The following GLIS3 variants were observed in gnomAD, a reference collection of about 807,000 sequenced individuals.
GLIS3 encodes the protein GLIS family zinc finger 3.
A neutral mutation model predicts 78.6 loss-of-function variants in GLIS3; 53 were observed. The ratio of observed to expected loss-of-function variants is 0.67; its 90% CI spans 0.54 to 0.85. The LOEUF is 0.85. GLIS3 is among the 40% of genes least tolerant of loss of function. The pLI is 0.00. For synonymous variants in GLIS3, 684 were observed against 509.9 expected, an observed-to-expected ratio of 1.34 and a Z score of -4.60; for missense variants, 1,703 against 1,231.1, an observed-to-expected ratio of 1.38 and a Z score of -5.74.
the GLIS3 span, among the ~76,000 whole-genome samples, chr9:4,364,749 T>C: frequency 3.9e-5 from 5 of 129,760 alleles, no homozygotes; most frequent in Non-Finnish European, 8.1e-5. Context: ...GCTGTCATCA[T>C]GTATTGCTTT....
At chr9:4,357,403 C>T in the GLIS3 span, among the ~76,000 whole-genome samples, 1 of 152,176 alleles carries the variant, frequency 6.6e-6, no homozygotes, top group African/African-American at 2.4e-5. Flanking sequence ...GGAAATCAGT[C>T]TTCTCTTGCC....
chr9:3,964,634 G>A (rs1326457267), intron 4 of GLIS3, among the ~76,000 whole-genome samples: 1 of 152,162 alleles, frequency 6.6e-6, no homozygotes, highest in Non-Finnish European at 1.5e-5. Flanking sequence ...AAATTTGCCT[G>A]TGTCTAGAAC....
the GLIS3 span, among the ~76,000 whole-genome samples, chr9:4,441,528 T>G: frequency 3.9e-5 from 6 of 152,236 alleles, no homozygotes; most frequent in Non-Finnish European, 5.9e-5. Flanking sequence ...CTCAAAGTGT[T>G]GTTAAATTTG....
At chr9:4,484,010 T>C in the GLIS3 span, among the ~76,000 whole-genome samples, 2 of 152,232 alleles carry the variant, frequency 1.3e-5, no homozygotes, top group Middle Eastern at 3.2e-3. Context: ...GCCTGGTATA[T>C]AAGTGCTTTG....
At chr9:3,880,973 T>A (rs10973997) in intron 7 of GLIS3, among the ~76,000 whole-genome samples, 21,632 of 152,162 alleles carry the variant, frequency 0.14, 1,849 homozygotes, top group Non-Finnish European at 0.19. Context: ...GCTTACCAGT[T>A]CAGAAAGGCA....
intron 4 of GLIS3, among the ~76,000 whole-genome samples, chr9:4,070,497 C>A (rs1163846393): frequency 6.6e-6 from 1 of 151,018 alleles, no homozygotes; most frequent in Non-Finnish European, 1.5e-5. Flanking sequence ...TGTGCATGTG[C>A]GTAAGTATTT....
At chr9:4,411,888 TA>T in the GLIS3 span, among the ~76,000 whole-genome samples, 3 of 152,248 alleles carry the variant, frequency 2.0e-5, no homozygotes, top group African/African-American at 7.2e-5. Flanking sequence ...CACTTTTGGT[TA>T]AAAATACCAT....
chr9:4,178,036 A>T (rs1232319094), intron 2 of GLIS3, among the ~76,000 whole-genome samples: 1 of 152,240 alleles, frequency 6.6e-6, no homozygotes, highest in Non-Finnish European at 1.5e-5. Context: ...TAATTTATGG[A>T]GTGAAGCTAG....
At chr9:4,193,545 G>T (rs1175230341) in intron 2 of GLIS3, among the ~76,000 whole-genome samples, 1 of 152,176 alleles carries the variant, frequency 6.6e-6, no homozygotes, top group East Asian at 1.9e-4. Flanking sequence ...ATGACACACG[G>T]CTTAACTAGG....
At chr9:4,091,140 A>G (rs1296097342) in intron 4 of GLIS3, among the ~76,000 whole-genome samples, 1 of 152,160 alleles carries the variant, frequency 6.6e-6, no homozygotes, top group Non-Finnish European at 1.5e-5. Context: ...AGATGGCTTG[A>G]GTCCAGGAGG....
Position 4,321,239 on chromosome 9 carries a change from T to G in GLIS3, n.265-10711A>C, listed in dbSNP as rs113306529. 4.3e-3 allele frequency among the ~76,000 whole-genome samples: 592 copies of G among 138,806 alleles called. 6 individuals are homozygous for G. The highest frequency in any genetic ancestry group is 0.016 in the African/African-American group (555 of 33,692). The allele number at this position is 138,806 out of a possible 152,430, so 91.1% of individuals were successfully genotyped here. ...ATCGAGACCATCCTGGCTAACACGG[T>G]GAAACCCCGTCTCTACTAAAAATAC... On this transcript the variant is annotated intron_variant and non_coding_transcript_variant, in intron 2 of 4. Transcript: ENST00000471664.
chr9:4,196,790 A>C (rs143273881), intron 2 of GLIS3, among the ~76,000 whole-genome samples: 52 of 152,276 alleles, frequency 3.4e-4, no homozygotes, highest in Non-Finnish European at 6.8e-4. Flanking sequence ...GAACCCCCCA[A>C]TTTCGGACAC....
intron 4 of GLIS3, among the ~76,000 whole-genome samples, chr9:4,022,991 T>C (rs1374627426): frequency 1.3e-5 from 2 of 152,176 alleles, no homozygotes; most frequent in Non-Finnish European, 2.9e-5. Context: ...GTCTTGTTTA[T>C]GGTGGTGATT....
Position 3,986,725 on chromosome 9 carries a change from C to T in GLIS3, c.1711-49536G>A, listed in dbSNP as rs374188989. ...TACCAGCAGGGACCAGTGGAAGCCC[C>T]AGCAGCATCCAATAAACTGAGCCAA... is the stretch of plus-strand genomic sequence containing the variant. On this transcript the variant is annotated intron_variant, in intron 4 of 10. Coordinates refer to ENST00000381971, the MANE Select transcript of GLIS3 (RefSeq NM_001042413.2). 2.8e-4 allele frequency among the ~76,000 whole-genome samples: 43 copies of T among 152,338 alleles called. No individual in the cohort carries two copies. The East Asian group carries it at 6.6e-3, about 23-fold the overall frequency.
intron 2 of GLIS3, among the ~76,000 whole-genome samples, chr9:4,262,160 T>C (rs1825591985): frequency 6.6e-6 from 1 of 151,932 alleles, no homozygotes; most frequent in Admixed American, 6.6e-5. Flanking sequence ...CATAGTGCAG[T>C]GCAAGGGGGA....
the GLIS3 span, among the ~76,000 whole-genome samples, chr9:4,390,349 A>G: frequency 6.6e-6 from 1 of 152,134 alleles, no homozygotes; most frequent in Non-Finnish European, 1.5e-5. Flanking sequence ...TTGTTTTTAT[A>G]TATTACGTAC....
intron 4 of GLIS3, among the ~76,000 whole-genome samples, chr9:4,096,333 C>G (rs1286221404): frequency 6.6e-6 from 1 of 152,192 alleles, no homozygotes; most frequent in Admixed American, 6.5e-5. Flanking sequence ...CAGTGAATCA[C>G]TCCTACATAG....
At chr9:4,473,361 G>A in the GLIS3 span, among the ~76,000 whole-genome samples, 67 of 151,782 alleles carry the variant, frequency 4.4e-4, no homozygotes, top group African/African-American at 1.5e-3. Flanking sequence ...CAGGAGAATC[G>A]TTTGAACCTG....
At chr9:4,216,758 C>G (rs1453768057) in intron 2 of GLIS3, among the ~76,000 whole-genome samples, 1 of 152,186 alleles carries the variant, frequency 6.6e-6, no homozygotes, top group African/African-American at 2.4e-5. Flanking sequence ...TACTAGTAAA[C>G]TTATTCTTAC....
Sources: allele counts gnomAD v4.1 joint callset (sites outside exome capture counted in the v4.1 genomes callset), GRCh38; gene constraint gnomAD v4.1.1; transcripts MANE v1.5; gene names NCBI Gene and HGNC (gene_info 2026-07-23, HGNC 2026-07-21).